Variants in BRD4 observed in about 807,000 individuals in gnomAD.
BRD4 encodes bromodomain-containing protein 4.
In BRD4, 16 loss-of-function variants were observed where a neutral mutation model predicts 142.1. That is an observed-to-expected ratio of 0.11 (90% CI 0.08 to 0.17). BRD4 has a LOEUF of 0.17. BRD4 is among the 10% of genes least tolerant of loss of function. The pLI is 1.00. For synonymous variants in BRD4, 833 were observed against 707.5 expected (o/e 1.18, Z -2.82); for missense variants, 1,424 against 1,810.9 (o/e 0.79, Z 3.88).
At chr19:15,267,965 C>T (rs1391799370) in intron 3 of BRD4, among the ~76,000 whole-genome samples, 1 of 152,186 alleles carries the variant, frequency 6.6e-6, no homozygotes, top group Non-Finnish European at 1.5e-5. Context: ...AACGTACCCC[C>T]ATGGCAGCTC....
chr19:15,306,643 T>C (rs141948597), intron 1 of BRD4, among the ~76,000 whole-genome samples: 31 of 152,226 alleles, frequency 2.0e-4, no homozygotes, highest in Non-Finnish European at 2.8e-4. Context: ...AAGGCTATTA[T>C]AGGGTTATTA....
chr19:15,306,353 C>CAA (rs1394704264), intron 1 of BRD4, among the ~76,000 whole-genome samples: 2 of 152,194 alleles, frequency 1.3e-5, no homozygotes, highest in Non-Finnish European at 2.9e-5. Flanking sequence ...GCTGCAGCCT[C>CAA]AACCTCCTAG....
chr19:15,301,095 A>C (rs2047863472), intron 1 of BRD4, among the ~76,000 whole-genome samples: 1 of 152,236 alleles, frequency 6.6e-6, no homozygotes, highest in African/African-American at 2.4e-5. Context: ...ACTACTCAGC[A>C]ATGAAAAGAA....
At chr19:15,306,656 C>T (rs538535623) in intron 1 of BRD4, among the ~76,000 whole-genome samples, 13 of 152,052 alleles carry the variant, frequency 8.5e-5, no homozygotes, top group Admixed American at 3.3e-4. Context: ...GGTTATTAAC[C>T]GGCCTAATTT....
intron 1 of BRD4, among the ~76,000 whole-genome samples, chr19:15,295,229 G>A (rs1210954780): frequency 2.6e-5 from 4 of 152,118 alleles, no homozygotes; most frequent in Non-Finnish European, 4.4e-5. Context: ...TCATGGCACT[G>A]GGCATCTAAC....
intron 1 of BRD4, among the ~76,000 whole-genome samples, chr19:15,305,242 C>T (rs2047904059): frequency 1.3e-5 from 2 of 152,092 alleles, no homozygotes; most frequent in South Asian, 4.1e-4. Context: ...AGGGTTTCTC[C>T]ATGTTAGTCA....
rs2145510996 is a variant in BRD4 at position 15,243,137 on chromosome 19, G to A, written c.2932C>T (p.Pro978Ser). The A allele has an allele frequency of 1.6e-6, 2 of 1,248,704 alleles. No homozygotes were observed. Among genetic ancestry groups the A allele is most frequent in the Non-Finnish European group, 2.2e-6 (2 of 925,680 alleles). 77.4% of individuals were successfully genotyped at this position (1,248,704 alleles called of 1,614,324 possible). The change falls in exon 14 of 20, where the codon CCA becomes TCA. Residue 978 changes from proline to serine, a missense_variant. Around this residue, in one of 16 missense-constraint regions of BRD4, gnomAD observed 598 missense variants for 647.8 expected, o/e 0.92. Transcript: ENST00000679869. ...GGTGGAGGCTGGGGCTGGGGTGGTG[G>A]GGGTGGTGGCGGCTGCTGCTGCAGC... is the stretch of plus-strand genomic sequence containing the variant. ...QQLQQQPPPP[P>S]PPQPQPPPQQ... is the part of the protein sequence containing the mutation.
chr19:15,264,959 A>G lies in BRD4; in HGVS notation c.850-193T>C, dbSNP rs534428619. ...CACCACTCTGCTCTGCAGCTGGGAC[A>G]GGACCTGCCTGTGGCAGGAGAAAGC... is the stretch of plus-strand genomic sequence containing the variant. On this transcript the variant is annotated intron_variant, in intron 5 of 19. Transcript: ENST00000679869. 1.1e-3 allele frequency among the ~76,000 whole-genome samples: 164 copies of G among 152,376 alleles called. 1 individual carries two copies. The highest frequency in any genetic ancestry group is 3.3e-3 in the African/African-American group (137 of 41,594).
At chr19:15,265,215 G>C in intron 5 of BRD4, 139 bp downstream of exon 5, 1 of 878,820 alleles carries the variant, frequency 1.1e-6, no homozygotes, top group Non-Finnish European at 1.6e-6. Context: ...TTTCTGGGCT[G>C]CAATTTCAAC....
intron 1 of BRD4, among the ~76,000 whole-genome samples, chr19:15,289,043 C>T (rs773246931): frequency 3.9e-5 from 6 of 152,184 alleles, no homozygotes; most frequent in South Asian, 2.1e-4. Flanking sequence ...TACAGAACCA[C>T]GTTAGAAATG....
Position 15,238,701 on chromosome 19 carries a change from C to T in BRD4, c.4020+42G>A. The T allele has an allele frequency of 1.4e-6, 2 of 1,470,108 alleles. No homozygotes were observed. The highest frequency in any genetic ancestry group is 5.1e-4 in the Middle Eastern group (2 of 3,926). 91.1% of individuals were successfully genotyped at this position (1,470,108 alleles called of 1,614,324 possible). ...CCCCCTTTCCCAGCTCCCTCAGGAG[C>T]TAATCCTTAGACCAGGGTCCCCACC... On this transcript the variant is annotated intron_variant, in intron 19 of 19. Coordinates refer to ENST00000679869, the MANE Select transcript of BRD4 (RefSeq NM_001379291.1). The surrounding 1 kb of genome is among the most constrained non-coding windows in gnomAD (Gnocchi z 7.2).
Position 15,265,292 on chromosome 19 carries a change from G to A in BRD4, c.849+62C>T, listed in dbSNP as rs550942561. ...CCAGGACAGGCTCTGTGTAAAGCAC[G>A]GGCAAGGACAGGGCCGCTCTCCTCC... On this transcript the variant is annotated intron_variant, in intron 5 of 19. Coordinates refer to ENST00000679869, the MANE Select transcript of BRD4 (RefSeq NM_001379291.1). 3.6e-5 allele frequency: 51 copies of A among 1,404,228 alleles called. No individual in the cohort carries two copies. The East Asian group carries it at 7.1e-4, about 19-fold the overall frequency. 87.0% of individuals were successfully genotyped at this position (1,404,228 alleles called of 1,614,324 possible).
chr19:15,266,754 C>T (rs1368967364), intron 4 of BRD4, among the ~76,000 whole-genome samples: 3 of 152,200 alleles, frequency 2.0e-5, no homozygotes, highest in Non-Finnish European at 4.4e-5. Flanking sequence ...AAGCAAACAA[C>T]TCACACTCAG....
At chr19:15,253,717 C>T (rs2145563164) in intron 11 of BRD4, 1 of 1,598,468 alleles carries the variant, frequency 6.3e-7, no homozygotes, top group Non-Finnish European at 8.5e-7. Flanking sequence ...CCTGAAGCGG[C>T]CGCACTGCAC....
At chr19:15,279,679 G>A (rs1235343315) in intron 1 of BRD4, among the ~76,000 whole-genome samples, 2 of 152,192 alleles carry the variant, frequency 1.3e-5, no homozygotes, top group Non-Finnish European at 2.9e-5. Flanking sequence ...AGCCAGAGAG[G>A]AAAAGAGAAA....
Position 15,238,955 on chromosome 19 carries a change from C to G in BRD4, c.3808G>C (p.Glu1270Gln), listed in dbSNP as rs747504735. 2 of 1,594,696 alleles carry G rather than the reference C, an allele frequency of 1.3e-6. No individual in the cohort carries two copies. Among genetic ancestry groups the G allele is most frequent in the Non-Finnish European group, 1.7e-6 (2 of 1,172,580 alleles). ...TCCTCATGGGCCCGCCGGGCCTGCT[C>G]CAGCGCATCCTCGTCCTCTCGGCTC... is the stretch of plus-strand genomic sequence containing the variant. Reference protein sequence around the residue: ...MRSREDEDALEQARRAHEEAR... With the variant: ...MRSREDEDALQQARRAHEEAR... The change falls in exon 19 of 20, where the codon GAG (glutamate) becomes CAG (glutamine). Residue 1270 changes from glutamate (E) to glutamine (Q), a missense_variant. By Grantham distance (29) the Glu-to-Gln change is conservative. Coordinates refer to ENST00000679869, the MANE Select transcript of BRD4 (RefSeq NM_001379291.1). This position sits in a 1 kb window ranked among gnomAD's most constrained non-coding sequence, Gnocchi z 7.2.
intron 1 of BRD4, among the ~76,000 whole-genome samples, chr19:15,330,165 G>A (rs2048144551): frequency 6.6e-6 from 1 of 152,168 alleles, no homozygotes. Flanking sequence ...ACTCGGAGGT[G>A]GACTCGACTC....
chr19:15,283,255 A>G (rs1056188091), intron 1 of BRD4, among the ~76,000 whole-genome samples: 2 of 152,136 alleles, frequency 1.3e-5, no homozygotes, highest in Admixed American at 6.5e-5. Context: ...AAATGAGAAG[A>G]AAGTTTAAGA....
intron 1 of BRD4, among the ~76,000 whole-genome samples, chr19:15,302,289 C>T (rs1171353603): frequency 6.6e-6 from 1 of 152,230 alleles, no homozygotes; most frequent in Non-Finnish European, 1.5e-5. Flanking sequence ...GGAGATGCTG[C>T]TTTGCAGGGA....
Sources: allele counts gnomAD v4.1 joint callset (sites outside exome capture counted in the v4.1 genomes callset), GRCh38; gene constraint gnomAD v4.1.1; regional missense constraint gnomAD v4.1.1; non-coding constraint Gnocchi (gnomAD v3.1); transcripts MANE v1.5; gene names NCBI Gene and HGNC (gene_info 2026-07-23, HGNC 2026-07-21).